PDE11A: variants seen among roughly 807,000 people sequenced by gnomAD.
PDE11A encodes phosphodiesterase 11A, also known as dual 3',5'-cyclic-AMP and -GMP phosphodiesterase 11A.
PDE11A carries 100 observed loss-of-function variants against 100.5 expected under a neutral mutation model. That is an observed-to-expected ratio of 1.00 (90% CI 0.85 to 1.18). The LOEUF (loss-of-function observed/expected upper bound fraction) is 1.18, where lower values mean the gene tolerates loss of function less well. Ranked by LOEUF, PDE11A falls within the 50% of genes most tolerant of loss-of-function variation. The pLI, the probability that PDE11A is intolerant of heterozygous loss-of-function variation, is 0.00. For synonymous variants in PDE11A, 381 were observed against 420.8 expected (o/e 0.91, Z 1.16); for missense variants, 1,141 against 1,152.6 (o/e 0.99, Z 0.15).
At chr2:177,844,271 T>A (rs2083542270) in intron 5 of PDE11A, among the ~76,000 whole-genome samples, 2 of 152,272 alleles carry the variant, frequency 1.3e-5, no homozygotes, top group South Asian at 4.2e-4. Context: ...TTTAGTTCAG[T>A]GTCTAGTGCC....
chr2:178,066,587 G>A (rs906041297), intron 1 of PDE11A, among the ~76,000 whole-genome samples: 3 of 152,064 alleles, frequency 2.0e-5, no homozygotes, highest in Admixed American at 2.0e-4. Context: ...TCTGCCCTTA[G>A]CAACCAGGTC....
chr2:177,963,469 ACTCCAAGGAAAAGTTATTTT>A (rs2085660490), intron 2 of PDE11A, among the ~76,000 whole-genome samples: 1 of 152,150 alleles, frequency 6.6e-6, no homozygotes, highest in East Asian at 1.9e-4. Flanking sequence ...ATGAAAAATG[ACTCCAAGGAAAAGTTATTTT>A]CCCAACTTAC....
chr2:177,891,850 C>G lies in PDE11A; in HGVS notation c.1302+6208G>C, dbSNP rs376496948. Among the ~76,000 whole-genome samples, 4 of 152,086 alleles carry G rather than the reference C, an allele frequency of 2.6e-5. No homozygotes were observed. In the East Asian group the frequency reaches 5.8e-4, roughly 22 times the overall value. On this transcript the variant is annotated intron_variant, in intron 4 of 19. Transcript: ENST00000286063. ...AATAGAGACTGTGTGACTTGCAAAC[C>G]CTAAAATATTTACTCTCTGGGCATT...
At chr2:177,893,646 A>G (rs1388581034) in intron 4 of PDE11A, among the ~76,000 whole-genome samples, 1 of 152,178 alleles carries the variant, frequency 6.6e-6, no homozygotes, top group Non-Finnish European at 1.5e-5. Flanking sequence ...ACTATTGGTT[A>G]TAACACATCT....
intron 4 of PDE11A, among the ~76,000 whole-genome samples, chr2:177,882,682 C>T (rs2084363083): frequency 6.6e-6 from 1 of 152,090 alleles, no homozygotes; most frequent in Admixed American, 6.6e-5. Context: ...ATTATTGCAC[C>T]CTGGGGAAGG....
At chr2:177,706,639 G>A (rs12987101) in intron 13 of PDE11A, among the ~76,000 whole-genome samples, 24,547 of 152,188 alleles carry the variant, frequency 0.16, 2,239 homozygotes, top group Middle Eastern at 0.27. Flanking sequence ...GGCATTAAGT[G>A]TCCTAAGTGC....
intron 5 of PDE11A, among the ~76,000 whole-genome samples, chr2:177,862,980 T>C (rs1472498566): frequency 6.6e-6 from 1 of 151,788 alleles, no homozygotes; most frequent in Non-Finnish European, 1.5e-5. Flanking sequence ...ACATAAAAAC[T>C]GACACACAAG....
At chr2:177,704,884 A>C (rs1406924604) in intron 13 of PDE11A, among the ~76,000 whole-genome samples, 1 of 152,062 alleles carries the variant, frequency 6.6e-6, no homozygotes, top group African/African-American at 2.4e-5. Flanking sequence ...CCTGTCACCC[A>C]GGCTGGAGTG....
upstream of PDE11A, chr2:178,072,853 G>A (rs2087157673): frequency 8.6e-7 from 1 of 1,160,332 alleles, no homozygotes; most frequent in Non-Finnish European, 1.1e-6. Flanking sequence ...GGAGGGAGGA[G>A]AGAAGAGGAG....
chr2:177,768,541 A>C (rs1318104449), intron 10 of PDE11A, among the ~76,000 whole-genome samples: 1 of 152,240 alleles, frequency 6.6e-6, no homozygotes, highest in East Asian at 1.9e-4. Flanking sequence ...AAAGGAAAGG[A>C]AATCAATTTC....
intron 1 of PDE11A, among the ~76,000 whole-genome samples, chr2:178,017,020 C>T (rs191122151): frequency 9.1e-4 from 138 of 152,340 alleles, no homozygotes; most frequent in African/African-American, 3.1e-3. Flanking sequence ...TTGTTCTCCT[C>T]CCAACTAAAA....
At chr2:178,025,733 C>G (rs1052725221) in intron 1 of PDE11A, among the ~76,000 whole-genome samples, 9 of 152,100 alleles carry the variant, frequency 5.9e-5, no homozygotes, top group African/African-American at 2.2e-4. Context: ...AAAATGCAAC[C>G]TCATGCTCTA....
At chr2:177,734,561 T>G (rs1176651959) in intron 10 of PDE11A, among the ~76,000 whole-genome samples, 1 of 152,164 alleles carries the variant, frequency 6.6e-6, no homozygotes. Flanking sequence ...TTGATGCCAT[T>G]CATTAAATTT....
chr2:177,664,733 G>C (rs992704187), intron 18 of PDE11A, among the ~76,000 whole-genome samples: 2 of 152,178 alleles, frequency 1.3e-5, no homozygotes, highest in Non-Finnish European at 2.9e-5. Flanking sequence ...TAAGGAGTCA[G>C]GCCCAGACCA....
At position 177,626,858 on chromosome 2, in the gene PDE11A, G is replaced by C. The variant is rs1249802795; in HGVS notation, c.*2549C>G. The C allele has an allele frequency of 6.8e-6, 1 of 146,442 alleles. No homozygotes were observed. The highest frequency in any genetic ancestry group is 1.5e-5 in the Non-Finnish European group (1 of 66,850). The allele number at this position is 146,442 out of a possible 1,614,324, so 9.1% of individuals were successfully genotyped here. On this transcript the variant is annotated 3_prime_UTR_variant, in exon 20 of 20. Coordinates refer to ENST00000286063, the MANE Select transcript of PDE11A (RefSeq NM_016953.4). ...AGGGTTCTACACCTTCATTTTTTTT[G>C]GTTGGAAGTGCCATTTTTCTTTGTT...
At chr2:177,773,562 C>T (rs1486715033) in intron 9 of PDE11A, among the ~76,000 whole-genome samples, 1 of 152,152 alleles carries the variant, frequency 6.6e-6, no homozygotes, top group Non-Finnish European at 1.5e-5. Flanking sequence ...TTTTAAGCCT[C>T]TACTGGCTAA....
chr2:177,970,563 T>TCA (rs2085756560), intron 2 of PDE11A, among the ~76,000 whole-genome samples: 1 of 151,824 alleles, frequency 6.6e-6, no homozygotes, highest in South Asian at 2.1e-4. Context: ...TTAGTGAGTT[T>TCA]GATTCAGGGT....
At chr2:177,679,636 T>G (rs1226935115) in intron 16 of PDE11A, among the ~76,000 whole-genome samples, 1 of 152,112 alleles carries the variant, frequency 6.6e-6, no homozygotes, top group African/African-American at 2.4e-5. Context: ...GAAATTGCCT[T>G]GCAAGAAATT....
intron 5 of PDE11A, among the ~76,000 whole-genome samples, chr2:177,851,866 C>T (rs1287159088): frequency 6.6e-6 from 1 of 151,942 alleles, no homozygotes; most frequent in Non-Finnish European, 1.5e-5. Flanking sequence ...GCCCAGTAAC[C>T]ATTAGTTATT....
Sources: allele counts gnomAD v4.1 joint callset (sites outside exome capture counted in the v4.1 genomes callset), GRCh38; gene constraint gnomAD v4.1.1; transcripts MANE v1.5; gene names NCBI Gene and HGNC (gene_info 2026-07-23, HGNC 2026-07-21).